Variants in WDR45 observed in about 807,000 individuals in gnomAD.
The protein encoded by WDR45 is WD repeat domain 45.
Under a neutral mutation model 27.3 loss-of-function variants are expected in WDR45, and 2 were observed. The ratio of observed to expected loss-of-function variants is 0.07; its 90% CI spans 0.03 to 0.23. The LOEUF (loss-of-function observed/expected upper bound fraction) is 0.23. WDR45 is among the 10% of genes least tolerant of loss of function. WDR45 has a pLI of 1.00. For missense variants in WDR45, 175 were observed against 311.9 expected (o/e 0.56, Z 3.31); for synonymous variants, 99 against 119.2 (o/e 0.83, Z 1.11).
intron 4 of WDR45, chrX:49,077,149 C>G (rs1365189953): frequency 1.0e-5 from 2 of 192,339 alleles, no homozygotes; most frequent in African/African-American, 6.0e-5. Flanking sequence ...TAGGGCAACT[C>G]CTGCCTTGTC....
At chrX:49,086,680 G>C (rs2065087270) in intron 2 of WDR45, among the ~76,000 whole-genome samples, 2 of 110,604 alleles carry the variant, frequency 1.8e-5, no homozygotes, top group African/African-American at 6.6e-5. Flanking sequence ...TGCAGCCTCC[G>C]TCTCCTGGGT....
chrX:49,100,273 C>G (rs2065141170), exon 2 of WDR45: 1 of 102,361 alleles, frequency 9.8e-6, no homozygotes, highest in Non-Finnish European at 2.0e-5. Context: ...TTCGCTCTGT[C>G]GCCCAGGCTG....
chrX:49,099,351 T>C (rs1218713267), intron 2 of WDR45, among the ~76,000 whole-genome samples: 1 of 110,706 alleles, frequency 9.0e-6, no homozygotes, highest in Non-Finnish European at 1.9e-5. Flanking sequence ...GGTGACTAAT[T>C]GCCCGGACTT....
At chrX:49,089,546 C>T (rs1213379734) in intron 2 of WDR45, among the ~76,000 whole-genome samples, 4 of 109,655 alleles carry the variant, frequency 3.6e-5, no homozygotes, top group African/African-American at 1.3e-4. Context: ...AGGCATGTGC[C>T]ACCACGCCCC....
At chrX:49,094,110 T>G (rs923861815) in intron 2 of WDR45, among the ~76,000 whole-genome samples, 24 of 110,688 alleles carry the variant, frequency 2.2e-4, no homozygotes, top group Non-Finnish European at 4.3e-4. Flanking sequence ...ACTCATTCAT[T>G]TTTGTATTAC....
At chrX:49,099,794 C>CAA (rs1557087862) in intron 2 of WDR45, among the ~76,000 whole-genome samples, 3 of 14,997 alleles carry the variant, frequency 2.0e-4, no homozygotes, top group African/African-American at 2.2e-4. Flanking sequence ...AAAAAAAAAA[C>CAA]AAAAAAAAAC....
intron 2 of WDR45, among the ~76,000 whole-genome samples, chrX:49,095,702 C>A (rs7055918): frequency 1.0e-5 from 1 of 95,873 alleles, no homozygotes; most frequent in Non-Finnish European, 2.1e-5. Flanking sequence ...CCTCATGATC[C>A]GCCCACCTTG....
chrX:49,097,984 C>T (rs1320391344), intron 2 of WDR45, among the ~76,000 whole-genome samples: 6 of 107,723 alleles, frequency 5.6e-5, no homozygotes, highest in African/African-American at 2.0e-4. Flanking sequence ...GAGATGAGGT[C>T]TCTGTTGCCC....
At chrX:49,095,546 T>C (rs1249641133) in intron 2 of WDR45, among the ~76,000 whole-genome samples, 1 of 108,968 alleles carries the variant, frequency 9.2e-6, no homozygotes, top group African/African-American at 3.3e-5. Flanking sequence ...CTGCAACTTC[T>C]TCCTCCCAGG....
upstream of WDR45, among the ~76,000 whole-genome samples, chrX:49,081,604 A>G (rs782743307): frequency 9.2e-6 from 1 of 108,525 alleles, no homozygotes; most frequent in South Asian, 4.0e-4. Context: ...AGGCAGGAGA[A>G]CCACTTAAAC....
At chrX:49,084,046 CTTTTTTCTTTTTTT>C (rs2065078324), upstream of WDR45, among the ~76,000 whole-genome samples, 1 of 92,696 alleles carries the variant, frequency 1.1e-5, no homozygotes. Flanking sequence ...TTTTCTTTTT[CTTTTTTCTTTTTTT>C]TTTTTTTTTG....
intron 1 of WDR45, among the ~76,000 whole-genome samples, chrX:49,078,522 G>A (rs781966532): frequency 9.0e-6 from 1 of 111,621 alleles, no homozygotes; most frequent in African/African-American, 3.3e-5. Flanking sequence ...ACTCCGTCTC[G>A]GGGGGAAGAA....
At chrX:49,078,735 C>T (rs2065052292) in intron 1 of WDR45, among the ~76,000 whole-genome samples, 1 of 112,454 alleles carries the variant, frequency 8.9e-6, no homozygotes, top group Non-Finnish European at 1.9e-5. Context: ...TATCTCCTCC[C>T]CACCGCCAGC....
chrX:49,097,330 G>GTTTTTTT, intron 2 of WDR45, among the ~76,000 whole-genome samples: 1 of 91,840 alleles, frequency 1.1e-5, no homozygotes, highest in Non-Finnish European at 2.1e-5. Context: ...CCAGCTAATT[G>GTTTTTTT]TTTTTTTTTT....
At chrX:49,084,040 CTTTTTCT>C (rs1276770865), upstream of WDR45, among the ~76,000 whole-genome samples, 67 of 97,269 alleles carry the variant, frequency 6.9e-4, no homozygotes, top group Non-Finnish European at 1.0e-3. Flanking sequence ...CCTCCATTTT[CTTTTTCT>C]TTTTTCTTTT....
chrX:49,094,753 T>C (rs183222531), intron 2 of WDR45, among the ~76,000 whole-genome samples: 6 of 110,693 alleles, frequency 5.4e-5, no homozygotes, highest in Admixed American at 4.8e-4. Flanking sequence ...CAAAATTATA[T>C]GTTGAATGAC....
At chrX:49,081,360 C>G (rs1177955835), upstream of WDR45, among the ~76,000 whole-genome samples, 1 of 107,263 alleles carries the variant, frequency 9.3e-6, no homozygotes, top group African/African-American at 3.4e-5. Flanking sequence ...GAAACCCCCT[C>G]TCTACTAAAA....
At chrX:49,089,219 C>T (rs1001094042) in intron 2 of WDR45, among the ~76,000 whole-genome samples, 2 of 111,235 alleles carry the variant, frequency 1.8e-5, no homozygotes, top group Non-Finnish European at 3.8e-5. Flanking sequence ...ACTCAGGAGG[C>T]GGAAGCTGCA....
At chrX:49,097,107 CT>C (rs35680001) in intron 2 of WDR45, among the ~76,000 whole-genome samples, 38,767 of 106,366 alleles carry the variant, frequency 0.36, 6,129 homozygotes, top group East Asian at 0.92. Context: ...CATTGAAGCA[CT>C]TTTTTTTTTT....
Sources: gnomAD v4.1 joint callset for allele counts (sites outside exome capture counted in the v4.1 genomes callset) on GRCh38, gnomAD v4.1.1 for gene constraint, MANE v1.5 for transcripts, NCBI Gene and HGNC (gene_info 2026-07-23, HGNC 2026-07-21) for gene names.